The following PCLO variants were observed in gnomAD, a reference collection of about 807,000 sequenced individuals.
PCLO encodes protein piccolo.
Under a neutral mutation model 427.5 loss-of-function variants are expected in PCLO, and 82 were observed. That is an observed-to-expected ratio of 0.19 (90% confidence interval 0.16 to 0.23). PCLO has a LOEUF of 0.23. Among genes scored for constraint, PCLO ranks in the 10% least tolerant of loss-of-function variants. The probability of loss-of-function intolerance (pLI) is 1.00; values close to 1 mark genes in which losing one functional copy is unlikely to be tolerated. For missense variants in PCLO, 6,239 were observed against 6,115.9 expected, an observed-to-expected ratio of 1.02 and a Z score of -0.67; for synonymous variants, 2,357 against 2,155.4, an observed-to-expected ratio of 1.09 and a Z score of -2.59.
chr7:82,944,528 T>G (rs1795157117), intron 6 of PCLO, among the ~76,000 whole-genome samples: 1 of 152,016 alleles, frequency 6.6e-6, no homozygotes, highest in Admixed American at 6.6e-5. Context: ...AAGAAGGCCA[T>G]AGAGATAGAG....
chr7:82,794,858 T>C (rs1276820372), intron 22 of PCLO, among the ~76,000 whole-genome samples: 1 of 152,186 alleles, frequency 6.6e-6, no homozygotes, highest in East Asian at 1.9e-4. Context: ...AGTATAGTGA[T>C]CATTTAGTGA....
chr7:82,839,626 T>C (rs1371557957), intron 14 of PCLO, among the ~76,000 whole-genome samples: 2 of 152,110 alleles, frequency 1.3e-5, no homozygotes, highest in Non-Finnish European at 2.9e-5. Context: ...CACTTCCCCA[T>C]TCTCTCCTTT....
chr7:82,861,851 TA>T (rs1482246248), intron 10 of PCLO, among the ~76,000 whole-genome samples: 2 of 151,926 alleles, frequency 1.3e-5, no homozygotes, highest in African/African-American at 4.8e-5. Context: ...ATACAGAAAT[TA>T]AACAATATGC....
intron 10 of PCLO, among the ~76,000 whole-genome samples, chr7:82,876,308 T>C (rs1352270313): frequency 6.6e-6 from 1 of 152,068 alleles, no homozygotes; most frequent in Non-Finnish European, 1.5e-5. Flanking sequence ...ATAATTGGCA[T>C]CATGATAATG....
chr7:82,963,071 A>G (rs1396126920), intron 4 of PCLO, among the ~76,000 whole-genome samples: 1 of 152,028 alleles, frequency 6.6e-6, no homozygotes, highest in East Asian at 1.9e-4. Context: ...AATAAACACT[A>G]GTTGTCAGCA....
chr7:82,987,415 G>A (rs995172850), intron 3 of PCLO, among the ~76,000 whole-genome samples: 8 of 151,872 alleles, frequency 5.3e-5, no homozygotes, highest in South Asian at 2.1e-4. Context: ...GTAATACTGT[G>A]TGCATGCAGA....
At chr7:82,780,602 C>T (rs947241569) in intron 22 of PCLO, among the ~76,000 whole-genome samples, 1 of 152,166 alleles carries the variant, frequency 6.6e-6, no homozygotes, top group African/African-American at 2.4e-5. Context: ...GGCTGGAGTG[C>T]GGTGGCGCGA....
At chr7:82,787,382 CTTCTT>C (rs2129468299) in intron 22 of PCLO, among the ~76,000 whole-genome samples, 1 of 152,238 alleles carries the variant, frequency 6.6e-6, no homozygotes, top group East Asian at 1.9e-4. Flanking sequence ...GCATAAATAT[CTTCTT>C]TTGAGAAGAA....
At chr7:82,921,307 C>G (rs1290935280) in intron 6 of PCLO, among the ~76,000 whole-genome samples, 5 of 150,412 alleles carry the variant, frequency 3.3e-5, no homozygotes, top group Admixed American at 3.3e-4. Context: ...AACAAACAAA[C>G]AAAAACAAAG....
At chr7:83,050,519 A>G (rs931509571) in intron 3 of PCLO, among the ~76,000 whole-genome samples, 9 of 151,836 alleles carry the variant, frequency 5.9e-5, no homozygotes, top group African/African-American at 2.2e-4. Flanking sequence ...AAAATGATTA[A>G]AAAATACAGT....
chr7:82,841,576 T>C (rs1792367315), intron 13 of PCLO, 67 bp from the exon 14 acceptor site: 11 of 1,013,386 alleles, frequency 1.1e-5, no homozygotes, highest in Non-Finnish European at 1.7e-5. Context: ...CATTTCGGCT[T>C]CCTTCTGAAA....
intron 9 of PCLO, chr7:82,880,304 A>C (rs1399104709): frequency 3.4e-6 from 1 of 293,418 alleles, no homozygotes; most frequent in Non-Finnish European, 7.1e-6. Flanking sequence ...ATTATGTGGC[A>C]CATGAGTACA....
chr7:83,081,066 G>A (rs1004089483), intron 3 of PCLO, among the ~76,000 whole-genome samples: 32 of 151,932 alleles, frequency 2.1e-4, no homozygotes, highest in Admixed American at 4.6e-4. Flanking sequence ...TAAAACCACT[G>A]ATAAGGGGTG....
At chr7:82,770,997 T>C (rs556190534) in intron 22 of PCLO, among the ~76,000 whole-genome samples, 4 of 152,062 alleles carry the variant, frequency 2.6e-5, no homozygotes, top group African/African-American at 7.2e-5. Flanking sequence ...TAGGACAACA[T>C]AGAAGGAATG....
chr7:82,840,414 T>C (rs1792338856), intron 14 of PCLO, among the ~76,000 whole-genome samples: 1 of 152,112 alleles, frequency 6.6e-6, no homozygotes, highest in African/African-American at 2.4e-5. Flanking sequence ...TAATATTTCT[T>C]GTAGGTCACT....
At chr7:82,898,377 T>A (rs559519765) in intron 9 of PCLO, among the ~76,000 whole-genome samples, 1 of 151,628 alleles carries the variant, frequency 6.6e-6, no homozygotes, top group African/African-American at 2.4e-5. Context: ...AACAAAACAT[T>A]ACTTCTGTCT....
At chr7:82,837,298 A>C (rs1169028446) in intron 15 of PCLO, among the ~76,000 whole-genome samples, 1 of 152,060 alleles carries the variant, frequency 6.6e-6, no homozygotes, top group African/African-American at 2.4e-5. Flanking sequence ...GTGTCAAATT[A>C]TTCCTTCTAC....
At chr7:83,087,979 A>G (rs1209579241) in intron 3 of PCLO, among the ~76,000 whole-genome samples, 1 of 152,230 alleles carries the variant, frequency 6.6e-6, no homozygotes, top group Non-Finnish European at 1.5e-5. Context: ...GGCATACTCT[A>G]AATATTATGC....
rs1217397833 is a variant in PCLO, at chr7:83,020,192, T to A, written c.3301-53705A>T. Among the ~76,000 whole-genome samples, 3 of 152,088 alleles carry A rather than the reference T, an allele frequency of 2.0e-5. No individual in the cohort carries two copies. In the East Asian group the frequency reaches 5.8e-4, roughly 29 times the overall value. The stretch of plus-strand genomic sequence containing the variant: ...TTGGATCTAGTTTGACCCCTAAGTG[T>A]TTATATTATTAATTGCTCTGAGAGA... On this transcript the variant is annotated intron_variant, in intron 3 of 24. Transcript: ENST00000333891.
Sources: allele counts gnomAD v4.1 joint callset (sites outside exome capture counted in the v4.1 genomes callset), GRCh38; gene constraint gnomAD v4.1.1; transcripts MANE v1.5; gene names NCBI Gene and HGNC (gene_info 2026-07-23, HGNC 2026-07-21).